The following ACHE variants were observed in gnomAD, a reference collection of about 807,000 sequenced individuals.
The protein encoded by ACHE is acetylcholinesterase (Yt blood group), also known as acetylcholinesterase.
A neutral mutation model predicts 53.9 loss-of-function variants in ACHE; 19 were observed. The ratio of observed to expected loss-of-function variants is 0.35; its 90% CI spans 0.25 to 0.52. ACHE has a LOEUF of 0.52. ACHE is among the 20% of genes least tolerant of loss of function. ACHE has a pLI of 0.95. For missense variants in ACHE, 605 were observed against 849.4 expected (o/e 0.71, Z 3.58); for synonymous variants, 392 against 378.1 (o/e 1.04, Z -0.43).
chr7:100,891,286 C>T lies in ACHE; in HGVS notation c.1606G>A (p.Ala536Thr), dbSNP rs779457143. Residue 536 changes from alanine to threonine, a missense_variant, in exon 4 of 5, where the codon GCG becomes ACG. Coordinates refer to ENST00000241069, the MANE Select transcript of ACHE (RefSeq NM_000665.5). Reference protein sequence around the residue: ...PKAPQWPPYTAGAQQYVSLDL... With the variant: ...PKAPQWPPYTTGAQQYVSLDL... ...AGACTAACGTACTGCTGAGCCCCCG[C>T]CGTGTACGGGGGCCATTGTGGGGCC... is the stretch of plus-strand genomic sequence containing the variant. The T allele has an allele frequency of 3.1e-6, 5 of 1,604,736 alleles. No individual in the cohort carries two copies. The Admixed American group carries it at 6.8e-5, about 22-fold the overall frequency.
rs1347726318 is a variant in ACHE at position 100,894,104 on chromosome 7, C to T, written c.129G>A (p.Val43=). ...GREDAELLVT[V]RGGRLRGIRL... ...GAATGCCCCGCAGCCGGCCCCCACG[C>T]ACCGTCACCAGCAGCTCTGCATCCT... The change falls in exon 2 of 5, where the codon GTG becomes GTA. Residue 43 remains valine (V), a synonymous_variant. Transcript: ENST00000241069. 4 of 1,513,914 alleles carry T rather than the reference C, an allele frequency of 2.6e-6. No homozygotes were observed. Among genetic ancestry groups the T allele is most frequent in the Non-Finnish European group, 3.5e-6 (4 of 1,132,998 alleles). The allele number at this position is 1,513,914 out of a possible 1,614,324, so 93.8% of individuals were successfully genotyped here. A position where few individuals can be genotyped will look rare whatever the true frequency, so the allele number is the denominator to read the frequency against.
In ACHE at chr7:100,893,340, G is replaced by A. The variant is rs1790814147; in HGVS notation, c.893C>T (p.Thr298Ile). The change falls in exon 2 of 5, where the codon ACA (threonine) becomes ATA (isoleucine). Residue 298 changes from threonine (T) to isoleucine (I), a missense_variant. By Grantham distance (89) the Thr-to-Ile change is moderately conservative. Transcript: ENST00000241069. ...TGTCCGAAGGCAGGCTACCAGCTCTGTGTCATTCCCACCAGTGCCGCCTGG... is the reference window on the plus strand; with the variant it reads ...TGTCCGAAGGCAGGCTACCAGCTCTATGTCATTCCCACCAGTGCCGCCTGG... ...CPPGGTGGND[T>I]ELVACLRTRP... 6.2e-7 allele frequency: 1 copy of A among 1,613,670 alleles called. No individual in the cohort carries two copies. The highest frequency in any genetic ancestry group is 1.3e-5 in the African/African-American group (1 of 74,938).
Position 100,894,203 on chromosome 7 carries a change from C to T in ACHE, c.30G>A (p.Thr10=), listed in dbSNP as rs538570516. Residue 10 remains threonine (T), a synonymous_variant, in exon 2 of 5, where the codon ACG becomes ACA. Transcript: ENST00000241069. ...GAAGGAGTGGGGAAGCCAGGGAAGGCGTGTGCAGCAGACACTGCGGGGGCC... is the reference window on the plus strand; with the variant it reads ...GAAGGAGTGGGGAAGCCAGGGAAGGTGTGTGCAGCAGACACTGCGGGGGCC... The part of the protein sequence containing the change: MRPPQCLLH[T]PSLASPLLLL... 1.2e-5 allele frequency: 17 copies of T among 1,469,482 alleles called. No individual in the cohort carries two copies. The South Asian group carries it at 1.7e-4, about 15-fold the overall frequency. The allele number at this position is 1,469,482 out of a possible 1,614,324, so 91.0% of individuals were successfully genotyped here.
chr7:100,892,512 A>T lies in ACHE; in HGVS notation c.1375T>A (p.Tyr459Asn). Residue 459 changes from tyrosine to asparagine, a missense_variant, in exon 3 of 5, where the codon TAC becomes AAC. Around this residue, in one of 4 missense-constraint regions of ACHE, gnomAD observed 397 missense variants for 632.5 expected, o/e 0.63. Transcript: ENST00000241069. The surrounding 1 kb of genome is among the most constrained non-coding windows in gnomAD (Gnocchi z 5.2). ...GTGGAAGCACGGTGTTCAAAGACGT[A>T]GGCGTAGACCCGGGCACCCTGGGCA... is the stretch of plus-strand genomic sequence containing the variant. ...LAAQGARVYA[Y>N]VFEHRASTLS... 1 of 1,602,338 alleles carries T rather than the reference A, an allele frequency of 6.2e-7. No individual in the cohort carries two copies. Among genetic ancestry groups the T allele is most frequent in the Non-Finnish European group, 8.5e-7 (1 of 1,171,006 alleles).
In ACHE at chr7:100,893,741, G is replaced by A. The variant is rs1379516411; in HGVS notation, c.492C>T (p.Tyr164=). ...CGGCCTGTACCAAGAAGCGGCCATC[G>A]TACACGTCCAAGGAGGAGGCCCCAC... is the stretch of plus-strand genomic sequence containing the variant. ...FYSGASSLDV[Y]DGRFLVQAER... Residue 164 remains tyrosine, a synonymous_variant, in exon 2 of 5, where the codon TAC becomes TAT. Transcript: ENST00000241069. 5.0e-6 allele frequency: 8 copies of A among 1,613,580 alleles called. No individual in the cohort carries two copies. Among genetic ancestry groups the A allele is most frequent in the African/African-American group, 1.3e-5 (1 of 75,056 alleles).
rs765850886 is a variant in ACHE, at chr7:100,893,516, C to T, written c.717G>A (p.Ser239=). 5 of 1,608,716 alleles carry T rather than the reference C, an allele frequency of 3.1e-6. No homozygotes were observed. Among genetic ancestry groups the T allele is most frequent in the Admixed American group, 1.7e-5 (1 of 59,982 alleles). The change falls in exon 2 of 5, where the codon TCG becomes TCA. Residue 239 remains serine, a synonymous_variant. Coordinates refer to ENST00000241069, the MANE Select transcript of ACHE (RefSeq NM_000665.5). ...TLFGESAGAA[S]VGMHLLSPPS... ...GCGGGGACAGCAGGTGCATGCCCAC[C>T]GAGGCGGCTCCCGCGCTCTCCCCAA... is the stretch of plus-strand genomic sequence containing the variant.
Position 100,894,171 on chromosome 7 carries a change from A to G in ACHE, c.62T>C (p.Leu21Pro). The part of the protein sequence containing the change: ...PSLASPLLLL[L>P]LWLLGGGVGA... ...CACTCCTCCACCCAGGAGCCAGAGG[A>G]GGAGGAGAAGGAGTGGGGAAGCCAG... Residue 21 changes from leucine to proline, a missense_variant, in exon 2 of 5, where the codon CTC becomes CCC. Transcript: ENST00000241069. The G allele has an allele frequency of 6.8e-7, 1 of 1,481,454 alleles. No homozygotes were observed. The highest frequency in any genetic ancestry group is 8.9e-7 in the Non-Finnish European group (1 of 1,122,346). The allele number at this position is 1,481,454 out of a possible 1,614,324, so 91.8% of individuals were successfully genotyped here. A position where few individuals can be genotyped will look rare whatever the true frequency, so the allele number is the denominator to read the frequency against.
rs758451443 is a variant in ACHE, at chr7:100,893,537, C to A, written c.696G>T (p.Gly232=). ...GGDPTSVTLF[G]ESAGAASVGM... Reference sequence around the variant, plus strand: ...CCACCGAGGCGGCTCCCGCGCTCTCCCCAAACAGCGTCACTGATGTCGGGT... The same window carrying A: ...CCACCGAGGCGGCTCCCGCGCTCTCACCAAACAGCGTCACTGATGTCGGGT... Residue 232 remains glycine, a synonymous_variant, in exon 2 of 5, where the codon GGG becomes GGT. Transcript: ENST00000241069. 19 of 1,611,002 alleles carry A rather than the reference C, an allele frequency of 1.2e-5. No homozygotes were observed. The highest frequency in any genetic ancestry group is 1.6e-5 in the Non-Finnish European group (19 of 1,180,022).
Position 100,890,186 on chromosome 7 carries a change from A to G in ACHE, c.*28T>C. The stretch of plus-strand genomic sequence containing the variant: ...TATATACAGCTAGGGGGCCGGGCGG[A>G]GCGGAGGACATGGGGGTCCCGCCGG... On this transcript the variant is annotated 3_prime_UTR_variant, in exon 5 of 5. Coordinates refer to ENST00000241069, the MANE Select transcript of ACHE (RefSeq NM_000665.5). 6.2e-7 allele frequency: 1 copy of G among 1,612,886 alleles called. No individual in the cohort carries two copies. Among genetic ancestry groups the G allele is most frequent in the Non-Finnish European group, 8.5e-7 (1 of 1,179,086 alleles).
At chr7:100,896,618 C>A, upstream of ACHE, 1 of 270,078 alleles carries the variant, frequency 3.7e-6, no homozygotes, top group South Asian at 2.6e-5. Context: ...TCCGCGGCGG[C>A]AGTGGAAACT....
In ACHE at chr7:100,893,492, C is replaced by G. The variant is rs755963317; in HGVS notation, c.741G>C (p.Pro247=). Residue 247 remains proline, a synonymous_variant, in exon 2 of 5, where the codon CCG becomes CCC. Transcript: ENST00000241069. Reference sequence around the variant, plus strand: ...CCCTGTGGAACAGGCCCCGGCTGGGCGGGGACAGCAGGTGCATGCCCACCG... The same window carrying G: ...CCCTGTGGAACAGGCCCCGGCTGGGGGGGGACAGCAGGTGCATGCCCACCG... The part of the protein sequence containing the change: ...AASVGMHLLS[P]PSRGLFHRAV... The G allele has an allele frequency of 1.9e-6, 3 of 1,607,788 alleles. No homozygotes were observed. In the Admixed American group the frequency reaches 5.0e-5, roughly 27 times the overall value.
chr7:100,891,018 C>T (rs755904323), intron 4 of ACHE, 151 bp downstream of exon 4: 20 of 1,455,148 alleles, frequency 1.4e-5, no homozygotes, highest in South Asian at 2.9e-5. Flanking sequence ...GGAGGAGGGG[C>T]AGGGGGAGGC....
At chr7:100,896,958 G>A (rs1387491955), upstream of ACHE, 1 of 151,162 alleles carries the variant, frequency 6.6e-6, no homozygotes, top group African/African-American at 2.4e-5. Context: ...ACCCCGCGTG[G>A]GAGAGCGGCC....
intron 4 of ACHE, 122 bp from the exon 5 acceptor site, chr7:100,890,457 G>A (rs905603856): frequency 9.5e-6 from 14 of 1,474,772 alleles, no homozygotes; most frequent in African/African-American, 2.8e-5. Flanking sequence ...AGAAATGCAG[G>A]CGACCACGTG....
rs1790890624 is a variant in ACHE at position 100,894,178 on chromosome 7, G to A, written c.55C>T (p.Leu19Phe). Residue 19 changes from leucine to phenylalanine, a missense_variant, in exon 2 of 5, where the codon CTC (leucine) becomes TTC (phenylalanine). Around this residue, in one of 4 missense-constraint regions of ACHE, gnomAD observed 89 missense variants for 78.9 expected, o/e 1.13. Coordinates refer to ENST00000241069, the MANE Select transcript of ACHE (RefSeq NM_000665.5). ...HTPSLASPLL[L>F]LLLWLLGGGV... ...CCACCCAGGAGCCAGAGGAGGAGGA[G>A]AAGGAGTGGGGAAGCCAGGGAAGGC... is the stretch of plus-strand genomic sequence containing the variant. The A allele has an allele frequency of 4.0e-6, 6 of 1,482,070 alleles. No homozygotes were observed. In the East Asian group the frequency reaches 1.2e-4, roughly 29 times the overall value. The allele number at this position is 1,482,070 out of a possible 1,614,324, so 91.8% of individuals were successfully genotyped here. A position where few individuals can be genotyped will look rare whatever the true frequency, so the allele number is the denominator to read the frequency against.
chr7:100,896,988 C>CGTGCGTGCGCGCGCGCGGCG (rs1563042223), upstream of ACHE: 1 of 149,434 alleles, frequency 6.7e-6, no homozygotes. Context: ...CAGCGTCGGG[C>CGTGCGTGCGCGCGCGCGGCG]GTGCGTGCGC....
intron 4 of ACHE, chr7:100,890,540 A>G: frequency 2.8e-6 from 4 of 1,415,330 alleles, no homozygotes; most frequent in Non-Finnish European, 1.8e-6. Flanking sequence ...GGGGCCGGAG[A>G]AGGACAGCAG....
intron 3 of ACHE, among the ~76,000 whole-genome samples, chr7:100,891,542 G>T (rs1286186689): frequency 6.6e-6 from 1 of 152,042 alleles, no homozygotes; most frequent in Non-Finnish European, 1.5e-5. Context: ...CAGCTTTTCT[G>T]TTCCATCTTT....
intron 4 of ACHE, 95 bp from the exon 5 acceptor site, chr7:100,890,430 G>A: frequency 1.3e-6 from 2 of 1,506,400 alleles, no homozygotes; most frequent in Non-Finnish European, 1.8e-6. Context: ...GGGTATGAGT[G>A]CAGGGAGGAC....
Sources: gnomAD v4.1 joint callset for allele counts (sites outside exome capture counted in the v4.1 genomes callset) on GRCh38, gnomAD v4.1.1 for gene constraint, gnomAD v4.1.1 regional missense constraint, Gnocchi (gnomAD v3.1) non-coding constraint, MANE v1.5 for transcripts, NCBI Gene and HGNC (gene_info 2026-07-23, HGNC 2026-07-21) for gene names.